Variants in ABCA13 observed in about 807,000 individuals in gnomAD.
The protein encoded by ABCA13 is ATP-binding cassette sub-family A member 13.
ABCA13 carries 476 observed loss-of-function variants against 478.7 expected under a neutral mutation model. The ratio of observed to expected loss-of-function variants is 0.99; its 90% CI spans 0.92 to 1.07. The LOEUF (loss-of-function observed/expected upper bound fraction) is 1.07. Ranked by LOEUF, ABCA13 falls within the 50% of genes least tolerant of loss-of-function variation. The probability of loss-of-function intolerance (pLI) is 0.00; values close to 1 mark genes in which losing one functional copy is unlikely to be tolerated. For synonymous variants in ABCA13, 2,252 were observed against 2,158.9 expected, an observed-to-expected ratio of 1.04 and a Z score of -1.20; for missense variants, 6,060 against 5,910.6, an observed-to-expected ratio of 1.03 and a Z score of -0.83.
chr7:48,304,155 C>G (rs549331754), intron 23 of ABCA13, among the ~76,000 whole-genome samples: 1 of 152,192 alleles, frequency 6.6e-6, no homozygotes, highest in South Asian at 2.1e-4. Flanking sequence ...TTAGTAATTT[C>G]TAAAGTCTAC....
chr7:48,359,433 A>G (rs1585000895), intron 31 of ABCA13, among the ~76,000 whole-genome samples: 1 of 152,102 alleles, frequency 6.6e-6, no homozygotes, highest in East Asian at 1.9e-4. Context: ...GGCAGCGGAG[A>G]CAGAGCTAGC....
At chr7:48,410,819 C>G (rs1818913499) in intron 40 of ABCA13, 142 bp downstream of exon 40, 1 of 1,187,524 alleles carries the variant, frequency 8.4e-7, no homozygotes, top group East Asian at 2.4e-5. Flanking sequence ...TAAGTGGCCC[C>G]AGGCCTGTGC....
At chr7:48,382,651 C>A (rs1488511923) in intron 35 of ABCA13, among the ~76,000 whole-genome samples, 1 of 152,172 alleles carries the variant, frequency 6.6e-6, no homozygotes, top group Non-Finnish European at 1.5e-5. Flanking sequence ...TCCCTCCCAG[C>A]ATCTCTGTCT....
intron 51 of ABCA13, among the ~76,000 whole-genome samples, chr7:48,513,538 G>A (rs930820478): frequency 6.6e-6 from 1 of 152,186 alleles, no homozygotes; most frequent in African/African-American, 2.4e-5. Flanking sequence ...TAAAAGATGA[G>A]ATTGCAGAAT....
intron 2 of ABCA13, 67 bp downstream of exon 2, chr7:48,193,119 T>C (rs182813684): frequency 8.6e-7 from 1 of 1,166,360 alleles, no homozygotes; most frequent in East Asian, 2.6e-5. Flanking sequence ...TAGCACTCTT[T>C]CTTGTTTTTT....
intron 8 of ABCA13, among the ~76,000 whole-genome samples, chr7:48,238,911 T>G (rs1328818148): frequency 1.3e-5 from 2 of 152,234 alleles, no homozygotes; most frequent in Non-Finnish European, 2.9e-5. Flanking sequence ...CAAAACAACT[T>G]TGTTAGTCCG....
At chr7:48,400,168 A>T (rs932610590) in intron 38 of ABCA13, among the ~76,000 whole-genome samples, 3 of 151,856 alleles carry the variant, frequency 2.0e-5, no homozygotes, top group African/African-American at 7.3e-5. Context: ...AGCTCCTGGG[A>T]CTTTATCATT....
At chr7:48,210,263 C>A (rs1448109370) in intron 3 of ABCA13, among the ~76,000 whole-genome samples, 10 of 152,118 alleles carry the variant, frequency 6.6e-5, no homozygotes, top group Non-Finnish European at 4.4e-5. Flanking sequence ...ACCGCCGGAT[C>A]TCATGAGAAC....
In ABCA13 at chr7:48,240,721, G is replaced by T. The variant is rs547378694; in HGVS notation, c.1063-146G>T. 1.8e-5 allele frequency: 10 copies of T among 566,042 alleles called. No homozygotes were observed. In the East Asian group the frequency reaches 3.3e-4, roughly 19 times the overall value. The allele number at this position is 566,042 out of a possible 1,614,324, so 35.1% of individuals were successfully genotyped here. ...TTCTGAGTAGAAATTAAATCATACTGCAATTGCTAACAGACATTTTAATTT... is the reference window on the plus strand; with the variant it reads ...TTCTGAGTAGAAATTAAATCATACTTCAATTGCTAACAGACATTTTAATTT... On this transcript the variant is annotated intron_variant, in intron 9 of 61. Coordinates refer to ENST00000435803, the MANE Select transcript of ABCA13 (RefSeq NM_152701.5).
rs1174364826 is a variant in ABCA13 at position 48,329,601 on chromosome 7, ACATCCATCCATCTGTC to A, written c.10000-5808_10000-5793del. On this transcript the variant is annotated intron_variant, in intron 27 of 61. Coordinates refer to ENST00000435803, the MANE Select transcript of ABCA13 (RefSeq NM_152701.5). ...TCCATTTATCTATTCATCCATCCACACATCCATCCATCTGTCCATCCATCCATCCATCCATGCATCC... is the reference window on the plus strand; with the variant it reads ...TCCATTTATCTATTCATCCATCCACACATCCATCCATCCATCCATGCATCC... Among the ~76,000 whole-genome samples the A allele has an allele frequency of 4.1e-3, 617 of 150,096 alleles. 2 individuals are homozygous for A. The highest frequency in any genetic ancestry group is 0.014 in the African/African-American group (578 of 40,862).
At chr7:48,267,186 T>A (rs1481555428) in intron 15 of ABCA13, among the ~76,000 whole-genome samples, 1 of 152,096 alleles carries the variant, frequency 6.6e-6, no homozygotes, top group Non-Finnish European at 1.5e-5. Flanking sequence ...AAACAGCAAT[T>A]ACATCAAGTT....
At chr7:48,503,292 G>A (rs116258264) in intron 48 of ABCA13, among the ~76,000 whole-genome samples, 290 of 152,274 alleles carry the variant, frequency 1.9e-3, no homozygotes, top group African/African-American at 6.7e-3. Flanking sequence ...GTCTCTCCAT[G>A]TTGTCCAGGC....
intron 47 of ABCA13, among the ~76,000 whole-genome samples, chr7:48,487,339 AAAAC>A (rs1432493893): frequency 6.6e-6 from 1 of 151,536 alleles, no homozygotes; most frequent in Non-Finnish European, 1.5e-5. Flanking sequence ...CAAAACAAAA[AAAAC>A]AAACAAACAC....
chr7:48,468,727 C>T (rs939485585), intron 44 of ABCA13, among the ~76,000 whole-genome samples: 1 of 152,132 alleles, frequency 6.6e-6, no homozygotes, highest in Non-Finnish European at 1.5e-5. Context: ...CTAGAGGAAA[C>T]ATTTTAAAAT....
In ABCA13 at chr7:48,403,855, G is replaced by T. The variant is rs1817928277; in HGVS notation, c.12046G>T (p.Asp4016Tyr). 1.9e-6 allele frequency: 3 copies of T among 1,613,332 alleles called. No individual in the cohort carries two copies. Among genetic ancestry groups the T allele is most frequent in the South Asian group, 1.1e-5 (1 of 90,940 alleles). Residue 4016 changes from aspartate (D) to tyrosine (Y), a missense_variant, in exon 39 of 62, where the codon GAC (aspartate) becomes TAC (tyrosine). Physicochemically the swap from Asp to Tyr is radical, Grantham distance 160. Coordinates refer to ENST00000435803, the MANE Select transcript of ABCA13 (RefSeq NM_152701.5). ...CCCTTGCTCCCGGCATAGCCTGTGG[G>T]ACATTCTGCTCAAGTACCGAGAAGG... Reference protein sequence around the residue: ...VDPCSRHSLWDILLKYREGRT... With the variant: ...VDPCSRHSLWYILLKYREGRT...
At chr7:48,607,952 C>T (rs1563500044) in intron 58 of ABCA13, among the ~76,000 whole-genome samples, 1 of 152,188 alleles carries the variant, frequency 6.6e-6, no homozygotes, top group Non-Finnish European at 1.5e-5. Context: ...GCAATCTCTG[C>T]TTACTGCAAC....
chr7:48,367,773 G>C, intron 31 of ABCA13, 21 bp from the exon 32 acceptor site: 1 of 1,533,594 alleles, frequency 6.5e-7, no homozygotes, highest in Non-Finnish European at 8.9e-7. Flanking sequence ...TCCGGATGCT[G>C]ACTGAATTAT....
chr7:48,306,572 G>A (rs1446919077), intron 23 of ABCA13, among the ~76,000 whole-genome samples: 1 of 152,166 alleles, frequency 6.6e-6, no homozygotes, highest in African/African-American at 2.4e-5. Context: ...CTCCTCCTGA[G>A]AGCTTCCCCT....
intron 35 of ABCA13, among the ~76,000 whole-genome samples, chr7:48,382,719 G>T (rs1341963695): frequency 6.6e-6 from 1 of 151,550 alleles, no homozygotes; most frequent in East Asian, 1.9e-4. Context: ...TGCATAGGTG[G>T]AAACCTATGA....
Sources: allele counts gnomAD v4.1 joint callset (sites outside exome capture counted in the v4.1 genomes callset), GRCh38; gene constraint gnomAD v4.1.1; transcripts MANE v1.5; gene names NCBI Gene and HGNC (gene_info 2026-07-23, HGNC 2026-07-21).